Variants in MECOM observed in about 807,000 individuals in gnomAD.
MECOM encodes the protein histone-lysine N-methyltransferase MECOM.
Under a neutral mutation model 116.3 loss-of-function variants are expected in MECOM, and 13 were observed. The ratio of observed to expected loss-of-function variants is 0.11; its 90% CI spans 0.07 to 0.18. The LOEUF (loss-of-function observed/expected upper bound fraction) is 0.18, where lower values mean the gene tolerates loss of function less well. Among genes scored for constraint, MECOM ranks in the 10% least tolerant of loss-of-function variants. The probability of loss-of-function intolerance (pLI) is 1.00; values close to 1 mark genes in which losing one functional copy is unlikely to be tolerated. For missense variants in MECOM, 1,299 were observed against 1,509.0 expected (o/e 0.86, Z 2.31); for synonymous variants, 528 against 535.2 (o/e 0.99, Z 0.19).
intron 2 of MECOM, among the ~76,000 whole-genome samples, chr3:169,378,512 A>C (rs1296486130): frequency 5.0e-4 from 15 of 29,810 alleles, no homozygotes; most frequent in Admixed American, 1.9e-3. Context: ...AAAGAAAGAA[A>C]GAAAAGAAAG....
intron 1 of MECOM, among the ~76,000 whole-genome samples, chr3:169,565,570 C>G (rs1315024916): frequency 1.3e-5 from 2 of 152,154 alleles, no homozygotes; most frequent in Non-Finnish European, 2.9e-5. Context: ...AAATACTGCC[C>G]AGCCATGGCT....
chr3:169,334,865 G>GA (rs1723339164), intron 2 of MECOM, among the ~76,000 whole-genome samples: 1 of 152,172 alleles, frequency 6.6e-6, no homozygotes, highest in African/African-American at 2.4e-5. Context: ...TAAGACAGGT[G>GA]AAACCATCAT....
chr3:169,189,311 A>G (rs1458481550), intron 2 of MECOM, among the ~76,000 whole-genome samples: 1 of 151,498 alleles, frequency 6.6e-6, no homozygotes, highest in Non-Finnish European at 1.5e-5. Flanking sequence ...AATCCAGTAT[A>G]ATCACTGAAC....
At chr3:169,371,358 T>C (rs190700242) in intron 2 of MECOM, among the ~76,000 whole-genome samples, 70 of 151,512 alleles carry the variant, frequency 4.6e-4, no homozygotes, top group Admixed American at 1.4e-3. Context: ...AACTAGGAGG[T>C]AGGGGAAATG....
At chr3:169,528,088 G>A (rs554134737) in intron 1 of MECOM, among the ~76,000 whole-genome samples, 1 of 152,180 alleles carries the variant, frequency 6.6e-6, no homozygotes, top group Non-Finnish European at 1.5e-5. Flanking sequence ...TCCTCCTTTC[G>A]AGCAGTGGTC....
At chr3:169,592,566 C>G (rs1230798237) in intron 1 of MECOM, among the ~76,000 whole-genome samples, 1 of 152,196 alleles carries the variant, frequency 6.6e-6, no homozygotes, top group Non-Finnish European at 1.5e-5. Context: ...AGTTTAGGTC[C>G]AGCCTTTACT....
At chr3:169,594,555 A>G (rs1263921029) in intron 1 of MECOM, among the ~76,000 whole-genome samples, 1 of 151,862 alleles carries the variant, frequency 6.6e-6, no homozygotes, top group Non-Finnish European at 1.5e-5. Context: ...TTCGACAACC[A>G]CTACCCTGAA....
At chr3:169,361,826 T>C (rs1307070861) in intron 2 of MECOM, among the ~76,000 whole-genome samples, 1 of 151,798 alleles carries the variant, frequency 6.6e-6, no homozygotes, top group African/African-American at 2.4e-5. Context: ...AAATGCAATA[T>C]TGAGGCTGAA....
intron 2 of MECOM, among the ~76,000 whole-genome samples, chr3:169,192,127 T>TA (rs1271053204): frequency 6.6e-6 from 1 of 152,076 alleles, no homozygotes; most frequent in African/African-American, 2.4e-5. Flanking sequence ...AGCCAACAGT[T>TA]TATTATAAGT....
intron 2 of MECOM, among the ~76,000 whole-genome samples, chr3:169,285,101 A>G (rs754072503): frequency 6.6e-6 from 1 of 152,006 alleles, no homozygotes; most frequent in Non-Finnish European, 1.5e-5. Flanking sequence ...ATTTTTTTTA[A>G]CTTCTTCTTA....
At chr3:169,164,222 A>G (rs1249194237) in intron 2 of MECOM, among the ~76,000 whole-genome samples, 1 of 152,084 alleles carries the variant, frequency 6.6e-6, no homozygotes, top group Non-Finnish European at 1.5e-5. Context: ...GTCCTGCACC[A>G]TCCTCATGAC....
At chr3:169,594,547 C>T (rs1470781740) in intron 1 of MECOM, among the ~76,000 whole-genome samples, 1 of 151,714 alleles carries the variant, frequency 6.6e-6, no homozygotes, top group Non-Finnish European at 1.5e-5. Context: ...GGCTACAGTT[C>T]GACAACCACT....
At chr3:169,594,114 A>G (rs1432881155) in intron 1 of MECOM, among the ~76,000 whole-genome samples, 1 of 146,576 alleles carries the variant, frequency 6.8e-6, no homozygotes, top group Non-Finnish European at 1.5e-5. Context: ...CCTGGGCAAC[A>G]GAGTGAGACT....
At chr3:169,173,605 G>T (rs112775375) in intron 2 of MECOM, among the ~76,000 whole-genome samples, 3 of 152,072 alleles carry the variant, frequency 2.0e-5, no homozygotes, top group Non-Finnish European at 4.4e-5. Flanking sequence ...AAGCTTTGTC[G>T]ATTGCATTTC....
At position 169,085,056 on chromosome 3, in the gene MECOM, G is replaced by A. The variant is rs375891441; in HGVS notation, c.3586-13C>T. 2.8e-5 allele frequency: 45 copies of A among 1,613,568 alleles called. No homozygotes were observed. In the South Asian group the frequency reaches 3.6e-4, roughly 13 times the overall value. Reference sequence around the variant, plus strand: ...TCATAGCATATGCCTGGGGTAAAAAGGAGAGAGACTCAGTAAATGGCATTT... The same window carrying A: ...TCATAGCATATGCCTGGGGTAAAAAAGAGAGAGACTCAGTAAATGGCATTT... On this transcript the variant is annotated splice_polypyrimidine_tract_variant and intron_variant, in intron 16 of 16. Coordinates refer to ENST00000651503, the MANE Select transcript of MECOM (RefSeq NM_004991.4).
chr3:169,563,345 C>A (rs78570582), intron 1 of MECOM, among the ~76,000 whole-genome samples: 11,287 of 152,240 alleles, frequency 0.074, 897 homozygotes, highest in African/African-American at 0.2. Context: ...AACTGGCCTG[C>A]GCCATCTCCA....
chr3:169,495,692 A>G (rs1198506321), intron 1 of MECOM, among the ~76,000 whole-genome samples: 1 of 152,188 alleles, frequency 6.6e-6, no homozygotes, highest in East Asian at 1.9e-4. Flanking sequence ...ATATACTGGT[A>G]ATTTGGACAC....
intron 1 of MECOM, among the ~76,000 whole-genome samples, chr3:169,529,320 C>T (rs1161710494): frequency 2.0e-5 from 3 of 152,188 alleles, no homozygotes; most frequent in Non-Finnish European, 4.4e-5. Context: ...TCATGAAAAC[C>T]AGCAGGACAA....
At chr3:169,100,434 T>C (rs1348176849) in intron 12 of MECOM, among the ~76,000 whole-genome samples, 2 of 152,000 alleles carry the variant, frequency 1.3e-5, no homozygotes, top group African/African-American at 2.4e-5. Flanking sequence ...TTGGAATCCA[T>C]GGAAAATGAC....
Sources: gnomAD v4.1 joint callset for allele counts (sites outside exome capture counted in the v4.1 genomes callset) on GRCh38, gnomAD v4.1.1 for gene constraint, MANE v1.5 for transcripts, NCBI Gene and HGNC (gene_info 2026-07-23, HGNC 2026-07-21) for gene names.